Variants in NOVA2 observed in about 807,000 individuals in gnomAD.
The protein encoded by NOVA2 is NOVA alternative splicing regulator 2, also known as RNA-binding protein Nova-2.
A neutral mutation model predicts 22.5 loss-of-function variants in NOVA2; 9 were observed. The observed-to-expected ratio is 0.40, with a 90% CI of 0.24 to 0.70. The LOEUF (loss-of-function observed/expected upper bound fraction) is 0.70. Among genes scored for constraint, NOVA2 ranks in the 30% least tolerant of loss-of-function variants. The probability of loss-of-function intolerance (pLI) is 0.38; values close to 1 mark genes in which losing one functional copy is unlikely to be tolerated. For synonymous variants in NOVA2, 318 were observed against 335.2 expected (o/e 0.95, Z 0.56); for missense variants, 383 against 682.8 (o/e 0.56, Z 4.89).
Position 45,973,463 on chromosome 19 carries a change from C to G in NOVA2, c.-112G>C. 7.3e-6 allele frequency: 1 copy of G among 137,116 alleles called. No individual in the cohort carries two copies. Among genetic ancestry groups the G allele is most frequent in the Non-Finnish European group, 1.5e-5 (1 of 66,616 alleles). 8.5% of individuals were successfully genotyped at this position (137,116 alleles called of 1,614,324 possible). A position where few individuals can be genotyped will look rare whatever the true frequency, so the allele number is the denominator to read the frequency against. Reference sequence around the variant, plus strand: ...GGGGAGGCTGGGGTTGCGGCGGCGGCGGCGGCGGGGGCGGCGGCGGCTGCG... The same window carrying G: ...GGGGAGGCTGGGGTTGCGGCGGCGGGGGCGGCGGGGGCGGCGGCGGCTGCG... On this transcript the variant is annotated 5_prime_UTR_variant, in exon 1 of 4. Transcript: ENST00000263257.
At chr19:45,955,216 T>C (rs939861218) in intron 2 of NOVA2, among the ~76,000 whole-genome samples, 1 of 152,158 alleles carries the variant, frequency 6.6e-6, no homozygotes, top group Non-Finnish European at 1.5e-5. Context: ...TACGTGTGTT[T>C]GTGAAAGTGA....
rs528890299 is a variant in NOVA2 at position 45,964,646 on chromosome 19, G to A, written c.86-3493C>T. On this transcript the variant is annotated intron_variant, in intron 1 of 3. Transcript: ENST00000263257. ...TGCCATCACAGCTCACTGCTGCCTC[G>A]ACCTCCTGGGCTCAAGTGATCCTCC... Among the ~76,000 whole-genome samples, 12 of 148,484 alleles carry A rather than the reference G, an allele frequency of 8.1e-5. No homozygotes were observed. In the East Asian group the frequency reaches 2.4e-3, roughly 30 times the overall value.
At chr19:45,973,193 G>A (rs1165202895) in intron 1 of NOVA2, 74 bp downstream of exon 1, 5 of 743,668 alleles carry the variant, frequency 6.7e-6, no homozygotes, top group Non-Finnish European at 9.9e-6. Flanking sequence ...ACCTGCCACG[G>A]GAGGGGGGGA....
intron 3 of NOVA2, among the ~76,000 whole-genome samples, chr19:45,950,768 A>G (rs923762418): frequency 6.6e-6 from 1 of 152,200 alleles, no homozygotes; most frequent in African/African-American, 2.4e-5. Context: ...AAATACTACT[A>G]CTACCACCAC....
At chr19:45,942,751 A>G (rs1026324161) in intron 3 of NOVA2, among the ~76,000 whole-genome samples, 1 of 152,026 alleles carries the variant, frequency 6.6e-6, no homozygotes, top group African/African-American at 2.4e-5. Context: ...TCAACCACCC[A>G]TTTGTCCAAG....
chr19:45,946,286 A>T (rs1335497638), intron 3 of NOVA2, among the ~76,000 whole-genome samples: 1 of 152,178 alleles, frequency 6.6e-6, no homozygotes, highest in Non-Finnish European at 1.5e-5. Flanking sequence ...TGGGTGATCG[A>T]GCCAGACCTT....
At position 45,973,352 on chromosome 19, in the gene NOVA2, G is replaced by C. The variant is rs770505630; in HGVS notation, c.-1C>G. Reference sequence around the variant, plus strand: ...GGGAATCCGGGGCCTCGGGCTCCATGGGGGGGGCCTGGGGCGGCGGCTGCT... The same window carrying C: ...GGGAATCCGGGGCCTCGGGCTCCATCGGGGGGGCCTGGGGCGGCGGCTGCT... On this transcript the variant is annotated 5_prime_UTR_variant, in exon 1 of 4. Coordinates refer to ENST00000263257, the MANE Select transcript of NOVA2 (RefSeq NM_002516.4). 7 of 1,099,128 alleles carry C rather than the reference G, an allele frequency of 6.4e-6. No homozygotes were observed. Among genetic ancestry groups the C allele is most frequent in the African/African-American group, 1.7e-5 (1 of 60,234 alleles). The allele number at this position is 1,099,128 out of a possible 1,614,324, so 68.1% of individuals were successfully genotyped here.
At chr19:45,947,521 T>A (rs1967860059) in intron 3 of NOVA2, among the ~76,000 whole-genome samples, 1 of 151,560 alleles carries the variant, frequency 6.6e-6, no homozygotes, top group South Asian at 2.1e-4. Flanking sequence ...TTGCCCAGGC[T>A]AGAGTGCAGT....
In NOVA2 at chr19:45,973,815, G is replaced by A. The variant is rs1287269910; in HGVS notation, c.-464C>T. Among the ~76,000 whole-genome samples, 1 of 151,506 alleles carries A rather than the reference G, an allele frequency of 6.6e-6. No individual in the cohort carries two copies. The highest frequency in any genetic ancestry group is 2.4e-5 in the African/African-American group (1 of 41,296). On this transcript the variant is annotated 5_prime_UTR_variant, in exon 1 of 4. Transcript: ENST00000263257. Reference sequence around the variant, plus strand: ...GCTGGGGACTGGACGCGCCACTGGGGGGACGGGACTCCCCGCTTCTTCTTG... The same window carrying A: ...GCTGGGGACTGGACGCGCCACTGGGAGGACGGGACTCCCCGCTTCTTCTTG...
intron 3 of NOVA2, among the ~76,000 whole-genome samples, chr19:45,941,834 C>T (rs1298788373): frequency 3.3e-5 from 5 of 152,182 alleles, no homozygotes; most frequent in Admixed American, 6.5e-5. Context: ...ACCACCCTGT[C>T]CCATGTACCT....
At position 45,938,809 on chromosome 19, in the gene NOVA2, C is replaced by G. The variant is rs543700205; in HGVS notation, c.*1054G>C. 28 of 152,374 alleles carry G rather than the reference C, an allele frequency of 1.8e-4. No individual in the cohort carries two copies. Among genetic ancestry groups the G allele is most frequent in the Admixed American group, 1.7e-3 (26 of 15,304 alleles). 9.4% of individuals were successfully genotyped at this position (152,374 alleles called of 1,614,324 possible). ...GAGAAGGCAGGTCAGAGACTGGTCA[C>G]TGTCCAATACAGGAAGTACATGCTT... On this transcript the variant is annotated 3_prime_UTR_variant, in exon 4 of 4. Coordinates refer to ENST00000263257, the MANE Select transcript of NOVA2 (RefSeq NM_002516.4).
In NOVA2 at chr19:45,973,307, C is replaced by G. The variant is rs1968258712; in HGVS notation, c.45G>C (p.Thr15=). 7.5e-7 allele frequency: 1 copy of G among 1,332,550 alleles called. No individual in the cohort carries two copies. The highest frequency in any genetic ancestry group is 1.5e-5 in the African/African-American group (1 of 66,266). The allele number at this position is 1,332,550 out of a possible 1,614,324, so 82.5% of individuals were successfully genotyped here. A position where few individuals can be genotyped will look rare whatever the true frequency, so the allele number is the denominator to read the frequency against. The change falls in exon 1 of 4, where the codon ACG becomes ACC. Residue 15 remains threonine, a synonymous_variant. Transcript: ENST00000263257. ...GCTTGGTGCAGACCACCTCGGGGGG[C>G]GTTTCGAGGGGCCTCTTGCGGGAAT... ...APDSRKRPLE[T]PPEVVCTKRS...
At chr19:45,959,470 T>C (rs899433098) in intron 2 of NOVA2, among the ~76,000 whole-genome samples, 3 of 152,144 alleles carry the variant, frequency 2.0e-5, no homozygotes, top group Non-Finnish European at 4.4e-5. Context: ...GGGGACGACA[T>C]GTCTCGTGGC....
chr19:45,949,265 C>T (rs73568790), intron 3 of NOVA2, among the ~76,000 whole-genome samples: 222 of 148,682 alleles, frequency 1.5e-3, no homozygotes, highest in African/African-American at 5.3e-3. Flanking sequence ...AAACTGTACA[C>T]TTCTAAACAG....
At chr19:45,973,220 G>T in intron 1 of NOVA2, 47 bp downstream of exon 1, 4 of 1,162,614 alleles carry the variant, frequency 3.4e-6, no homozygotes, top group Non-Finnish European at 4.7e-6. Context: ...GGAGAAAGGC[G>T]AGGCCCCCTG....
chr19:45,940,688 T>G lies in NOVA2; in HGVS notation c.654A>C (p.Ala218=). The change falls in exon 4 of 4, where the codon GCA becomes GCC. Residue 218 remains alanine, a synonymous_variant. Coordinates refer to ENST00000263257, the MANE Select transcript of NOVA2 (RefSeq NM_002516.4). ...SCLNISYANV[A]GPVANSNPTG... is the part of the protein sequence containing the mutation. ...TGGGGTTGGAGTTGGCCACGGGGCC[T>G]GCCACGTTGGCGTAGCTGATGTTGA... The G allele has an allele frequency of 3.7e-6, 6 of 1,602,754 alleles. No individual in the cohort carries two copies. The highest frequency in any genetic ancestry group is 5.1e-6 in the Non-Finnish European group (6 of 1,175,326).
intron 1 of NOVA2, among the ~76,000 whole-genome samples, chr19:45,968,984 C>A (rs945236300): frequency 6.6e-5 from 10 of 151,862 alleles, no homozygotes; most frequent in African/African-American, 2.4e-4. Flanking sequence ...CATGATGAAA[C>A]CCCATCTCTA....
At chr19:45,952,275 G>A (rs897645704) in intron 3 of NOVA2, among the ~76,000 whole-genome samples, 4 of 152,168 alleles carry the variant, frequency 2.6e-5, no homozygotes, top group Non-Finnish European at 5.9e-5. Flanking sequence ...CACCCTTAAG[G>A]AGGCATCATA....
chr19:45,948,398 G>A (rs1284571215), intron 3 of NOVA2, among the ~76,000 whole-genome samples: 2 of 152,074 alleles, frequency 1.3e-5, no homozygotes, highest in Non-Finnish European at 2.9e-5. Context: ...AGGAGATCAA[G>A]ACCATTCTGG....
Sources: gnomAD v4.1 joint callset for allele counts (sites outside exome capture counted in the v4.1 genomes callset) on GRCh38, gnomAD v4.1.1 for gene constraint, MANE v1.5 for transcripts, NCBI Gene and HGNC (gene_info 2026-07-23, HGNC 2026-07-21) for gene names.